The following GPC6 variants were observed in gnomAD, a reference collection of about 807,000 sequenced individuals.
The protein encoded by GPC6 is glypican 6.
A neutral mutation model predicts 55.2 loss-of-function variants in GPC6; 14 were observed. That is an observed-to-expected ratio of 0.25 (90% confidence interval 0.17 to 0.40). GPC6 has a LOEUF of 0.40. GPC6 is among the 10% of genes least tolerant of loss of function. GPC6 has a pLI of 1.00. For synonymous variants in GPC6, 278 were observed against 259.6 expected (o/e 1.07, Z -0.68); for missense variants, 641 against 708.5 (o/e 0.90, Z 1.08).
intron 1 of GPC6, among the ~76,000 whole-genome samples, chr13:93,511,727 A>G (rs1263462586): frequency 6.6e-6 from 1 of 152,054 alleles, no homozygotes; most frequent in Non-Finnish European, 1.5e-5. Flanking sequence ...TTATTTTGAT[A>G]GAGATTGCAT....
intron 4 of GPC6, among the ~76,000 whole-genome samples, chr13:94,266,450 G>A (rs1344076676): frequency 1.3e-5 from 2 of 152,164 alleles, no homozygotes; most frequent in African/African-American, 4.8e-5. Flanking sequence ...TTACAGGCGT[G>A]AGCCACCGCG....
rs1475512678 is a variant in GPC6 at position 94,286,595 on chromosome 13, G to A, written c.1008+116G>A. ...TTATAAATTCTAATATGCTGTCAGC[G>A]AGCTTTTCCTGTTGAGCCACAAATT... is the stretch of plus-strand genomic sequence containing the variant. On this transcript the variant is annotated intron_variant, in intron 5 of 8. Transcript: ENST00000377047. 8 of 916,336 alleles carry A rather than the reference G, an allele frequency of 8.7e-6. No individual in the cohort carries two copies. In the Admixed American group the frequency reaches 9.5e-5, roughly 11 times the overall value. The allele number at this position is 916,336 out of a possible 1,614,324, so 56.8% of individuals were successfully genotyped here.
intron 2 of GPC6, among the ~76,000 whole-genome samples, chr13:93,581,662 C>T (rs970647693): frequency 2.0e-5 from 3 of 152,150 alleles, no homozygotes; most frequent in African/African-American, 7.2e-5. Context: ...GAAGATTGCG[C>T]TGCTGCACTC....
intron 4 of GPC6, among the ~76,000 whole-genome samples, chr13:94,058,182 A>G (rs1368363059): frequency 1.3e-5 from 2 of 152,192 alleles, no homozygotes; most frequent in Admixed American, 6.5e-5. Context: ...GAAAATCAGC[A>G]ATAGTACTCA....
At chr13:94,049,102 A>G (rs1329850369) in intron 4 of GPC6, among the ~76,000 whole-genome samples, 1 of 152,016 alleles carries the variant, frequency 6.6e-6, no homozygotes, top group Non-Finnish European at 1.5e-5. Context: ...ACAATTTAAA[A>G]ATCAGCTAAG....
chr13:93,348,501 A>G (rs1440600235), intron 1 of GPC6, among the ~76,000 whole-genome samples: 1 of 152,188 alleles, frequency 6.6e-6, no homozygotes, highest in East Asian at 1.9e-4. Context: ...GCAGATGAAG[A>G]GGATGAGGTT....
chr13:93,559,551 A>C (rs1875653025), intron 2 of GPC6, among the ~76,000 whole-genome samples: 1 of 152,150 alleles, frequency 6.6e-6, no homozygotes, highest in Non-Finnish European at 1.5e-5. Flanking sequence ...AATACAAACA[A>C]ATTCTGCACT....
chr13:93,741,668 G>A (rs944880683), intron 2 of GPC6, among the ~76,000 whole-genome samples: 3 of 152,050 alleles, frequency 2.0e-5, no homozygotes, highest in Non-Finnish European at 4.4e-5. Context: ...TAATTTCTGT[G>A]TCCATCCTCT....
intron 5 of GPC6, among the ~76,000 whole-genome samples, chr13:94,292,423 G>A (rs1015692437): frequency 4.6e-5 from 7 of 152,142 alleles, no homozygotes; most frequent in African/African-American, 9.7e-5. Flanking sequence ...AAGCCAGGAC[G>A]ACCCAAGCTC....
chr13:93,558,132 C>G (rs1368232893), intron 2 of GPC6, among the ~76,000 whole-genome samples: 2 of 152,070 alleles, frequency 1.3e-5, no homozygotes, highest in African/African-American at 4.8e-5. Flanking sequence ...TTCTTAAACT[C>G]TCTGGGAAAA....
intron 2 of GPC6, among the ~76,000 whole-genome samples, chr13:93,734,092 A>G (rs1167738558): frequency 8.3e-6 from 1 of 120,586 alleles, no homozygotes; most frequent in African/African-American, 3.1e-5. Context: ...ATGTAGGATT[A>G]GAATTCTGCA....
intron 2 of GPC6, among the ~76,000 whole-genome samples, chr13:93,600,222 A>T (rs141229308): frequency 6.6e-6 from 1 of 152,372 alleles, no homozygotes; most frequent in African/African-American, 2.4e-5. Context: ...AAATACAGTT[A>T]CTAAGCATCA....
chr13:94,217,466 G>A (rs1890258643), intron 4 of GPC6, among the ~76,000 whole-genome samples: 1 of 152,254 alleles, frequency 6.6e-6, no homozygotes. Flanking sequence ...GCTAATTGCA[G>A]CCCATGGTGA....
chr13:93,859,539 A>G (rs1888739720), intron 3 of GPC6, among the ~76,000 whole-genome samples: 2 of 151,734 alleles, frequency 1.3e-5, no homozygotes, highest in Admixed American at 1.3e-4. Context: ...ATTTACAGAT[A>G]AAGATTTCTC....
chr13:93,583,852 G>A (rs1205227120), intron 2 of GPC6, among the ~76,000 whole-genome samples: 1 of 152,170 alleles, frequency 6.6e-6, no homozygotes, highest in African/African-American at 2.4e-5. Flanking sequence ...AGAACTGATA[G>A]GGCAGTTTTG....
At chr13:93,494,563 A>G (rs934711592) in intron 1 of GPC6, among the ~76,000 whole-genome samples, 1 of 152,168 alleles carries the variant, frequency 6.6e-6, no homozygotes, top group African/African-American at 2.4e-5. Flanking sequence ...TGATCCTGTC[A>G]TTATGATGTT....
intron 2 of GPC6, among the ~76,000 whole-genome samples, chr13:93,685,327 C>T (rs1882008512): frequency 6.6e-6 from 1 of 152,170 alleles, no homozygotes; most frequent in African/African-American, 2.4e-5. Flanking sequence ...CTTTGTGAGG[C>T]ATGCCCATTG....
At chr13:93,778,121 C>T (rs1224923647) in intron 2 of GPC6, among the ~76,000 whole-genome samples, 1 of 152,108 alleles carries the variant, frequency 6.6e-6, no homozygotes, top group East Asian at 1.9e-4. Context: ...GCCTGCTTTC[C>T]CTGCTAAATC....
chr13:93,221,332 C>T, the GPC6 span, among the ~76,000 whole-genome samples: 2 of 152,114 alleles, frequency 1.3e-5, no homozygotes, highest in Non-Finnish European at 2.9e-5. Context: ...AATTAGAGTC[C>T]TTTCAATTCT....
Sources: gnomAD v4.1 joint callset for allele counts (sites outside exome capture counted in the v4.1 genomes callset) on GRCh38, gnomAD v4.1.1 for gene constraint, MANE v1.5 for transcripts, NCBI Gene and HGNC (gene_info 2026-07-23, HGNC 2026-07-21) for gene names.